The following ANK2 variants were observed in gnomAD, a reference collection of about 807,000 sequenced individuals.
ANK2 encodes ankyrin-2.
In ANK2, 83 loss-of-function variants were observed where a neutral mutation model predicts 360.5. The observed-to-expected ratio is 0.23, with a 90% CI of 0.19 to 0.28. ANK2 has a LOEUF of 0.28. Ranked by LOEUF, ANK2 falls within the 10% of genes least tolerant of loss-of-function variation. The pLI is 1.00. For missense variants in ANK2, 4,201 were observed against 4,795.7 expected, an observed-to-expected ratio of 0.88 and a Z score of 3.66; for synonymous variants, 1,740 against 1,759.5, an observed-to-expected ratio of 0.99 and a Z score of 0.28.
At chr4:113,090,616 T>C (rs931156210) in intron 1 of ANK2, among the ~76,000 whole-genome samples, 4 of 152,128 alleles carry the variant, frequency 2.6e-5, no homozygotes, top group African/African-American at 9.7e-5. Flanking sequence ...GATTAGAAAA[T>C]ACTTAGACCA....
the ANK2 span, among the ~76,000 whole-genome samples, chr4:112,767,070 A>G: frequency 6.6e-6 from 1 of 152,238 alleles, no homozygotes; most frequent in Non-Finnish European, 1.5e-5. Context: ...CTTATGATGT[A>G]AAGCATCATC....
At chr4:112,973,747 G>A (rs1332717203) in intron 2 of ANK2, among the ~76,000 whole-genome samples, 1 of 152,148 alleles carries the variant, frequency 6.6e-6, no homozygotes, top group Non-Finnish European at 1.5e-5. Flanking sequence ...CATACTTTGG[G>A]TGATGGGTTG....
intron 1 of ANK2, among the ~76,000 whole-genome samples, chr4:113,123,178 CTG>C (rs1342896958): frequency 1.3e-5 from 2 of 151,868 alleles, no homozygotes; most frequent in South Asian, 2.1e-4. Flanking sequence ...TTACATTAAT[CTG>C]TGTTTATATA....
At chr4:113,278,697 T>C in intron 17 of ANK2, 139 bp downstream of exon 17, 1 of 822,952 alleles carries the variant, frequency 1.2e-6, no homozygotes, top group South Asian at 1.5e-5. Flanking sequence ...TGACACCCTT[T>C]TTTTTCCCTT....
At chr4:113,024,262 T>A (rs566942329) in intron 2 of ANK2, among the ~76,000 whole-genome samples, 1 of 152,254 alleles carries the variant, frequency 6.6e-6, no homozygotes, top group East Asian at 1.9e-4. Flanking sequence ...GAATAAAATA[T>A]GTTAATATTT....
intron 1 of ANK2, among the ~76,000 whole-genome samples, chr4:113,092,488 A>G (rs2088871688): frequency 6.6e-6 from 1 of 152,328 alleles, no homozygotes; most frequent in African/African-American, 2.4e-5. Flanking sequence ...TTATATTTAC[A>G]TCAACAGATT....
chr4:113,197,139 G>A (rs983928453), intron 3 of ANK2, among the ~76,000 whole-genome samples: 4 of 152,172 alleles, frequency 2.6e-5, no homozygotes, highest in Non-Finnish European at 5.9e-5. Context: ...AATTTTAAAT[G>A]TATACATTCA....
chr4:112,979,004 G>A lies in ANK2; in HGVS notation c.21+74490G>A, dbSNP rs115349820. 8.9e-3 allele frequency among the ~76,000 whole-genome samples: 1,349 copies of A among 152,252 alleles called. 23 individuals carry two copies. Among genetic ancestry groups the A allele is most frequent in the African/African-American group, 0.031 (1,291 of 41,540 alleles). ...ATATTTTGCAATAGAAATAATAATAGCATAACAATGTCACAGGATCCTTTG... is the reference window on the plus strand; with the variant it reads ...ATATTTTGCAATAGAAATAATAATAACATAACAATGTCACAGGATCCTTTG... On this transcript the variant is annotated intron_variant, in intron 2 of 30. Transcript: ENST00000503271.
Position 113,356,160 on chromosome 4 carries a change from T to G in ANK2, c.7542T>G (p.Asp2514Glu). 6.2e-7 allele frequency: 1 copy of G among 1,613,516 alleles called. No individual in the cohort carries two copies. The highest frequency in any genetic ancestry group is 8.5e-7 in the Non-Finnish European group (1 of 1,179,830). Residue 2514 changes from aspartate to glutamate, a missense_variant, in exon 38 of 46, where the codon GAT (aspartate) becomes GAG (glutamate). Physicochemically the swap from Asp to Glu is conservative, Grantham distance 45. Around this residue, in one of 4 missense-constraint regions of ANK2, gnomAD observed 2,642 missense variants for 2,714.5 expected, o/e 0.97. Coordinates refer to ENST00000357077, the MANE Select transcript of ANK2 (RefSeq NM_001148.6). The part of the protein sequence containing the change: ...SVRSRLLRDP[D>E]GSAEDDSLEQ... ...GGTCCCGGCTACTCCGAGACCCTGATGGCAGTGCTGAGGATGACAGTCTTG... is the reference window on the plus strand; with the variant it reads ...GGTCCCGGCTACTCCGAGACCCTGAGGGCAGTGCTGAGGATGACAGTCTTG...
chr4:112,725,944 T>C, the ANK2 span, among the ~76,000 whole-genome samples: 1 of 152,068 alleles, frequency 6.6e-6, no homozygotes, highest in Non-Finnish European at 1.5e-5. Flanking sequence ...ATTTAAAATA[T>C]CAGGTAGTAA....
chr4:113,101,243 A>T (rs2092778951), intron 1 of ANK2, among the ~76,000 whole-genome samples: 1 of 152,200 alleles, frequency 6.6e-6, no homozygotes, highest in Non-Finnish European at 1.5e-5. Flanking sequence ...TTCCAAATGT[A>T]TATATGTAAA....
intron 15 of ANK2, 124 bp downstream of exon 15, chr4:113,274,773 C>T (rs555209185): frequency 1.4e-5 from 14 of 984,216 alleles, no homozygotes; most frequent in Non-Finnish European, 2.2e-5. Context: ...TCCTTCTCTA[C>T]ATATTTAAGA....
chr4:113,341,040 CCAGT>C (rs1464846746), intron 32 of ANK2, among the ~76,000 whole-genome samples: 1 of 152,134 alleles, frequency 6.6e-6, no homozygotes, highest in South Asian at 2.1e-4. Context: ...CAAAAAATTG[CCAGT>C]CAATGTCACA....
rs199591964 is a variant in ANK2 at position 113,356,143 on chromosome 4, C to T, written c.7525C>T (p.Leu2509=). ...GGAAGTGGCCTCTGTGCGGTCCCGG[C>T]TACTCCGAGACCCTGATGGCAGTGC... ...LTEVASVRSR[L]LRDPDGSAED... The change falls in exon 38 of 46, where the codon CTA becomes TTA. Residue 2509 remains leucine, a synonymous_variant. Coordinates refer to ENST00000357077, the MANE Select transcript of ANK2 (RefSeq NM_001148.6). 267 of 1,613,960 alleles carry T rather than the reference C, an allele frequency of 1.7e-4. 1 individual carries two copies. The highest frequency in any genetic ancestry group is 1.3e-3 in the Middle Eastern group (8 of 6,082).
At chr4:112,891,151 G>A in intron 1 of ANK2, among the ~76,000 whole-genome samples, 1 of 152,152 alleles carries the variant, frequency 6.6e-6, no homozygotes, top group African/African-American at 2.4e-5. Flanking sequence ...TTGAGACTCA[G>A]AGGTTTTGTG....
intron 1 of ANK2, among the ~76,000 whole-genome samples, chr4:112,900,924 G>A (rs929817420): frequency 8.5e-5 from 13 of 152,182 alleles, no homozygotes; most frequent in Non-Finnish European, 1.8e-4. Context: ...GAGCAATATG[G>A]TGTTGGACAA....
chr4:113,007,891 G>T (rs1355748991), intron 2 of ANK2, among the ~76,000 whole-genome samples: 1 of 152,084 alleles, frequency 6.6e-6, no homozygotes, highest in East Asian at 1.9e-4. Context: ...GCAGCAAAAA[G>T]ATGCAATATA....
intron 4 of ANK2, among the ~76,000 whole-genome samples, chr4:113,226,302 C>T (rs1180717488): frequency 2.0e-5 from 3 of 152,152 alleles, no homozygotes; most frequent in Admixed American, 6.6e-5. Flanking sequence ...CTCCTCAGCA[C>T]GGCAGACAGG....
rs772699874 is a variant in ANK2 at position 113,373,446 on chromosome 4, A to C, written c.11856A>C (p.Ser3952=). Reference sequence around the variant, plus strand: ...TATTGAAGAGTGACACCGAGCAGTCAGAGGTGAGACAACCTGATTCTCTAA... The same window carrying C: ...TATTGAAGAGTGACACCGAGCAGTCCGAGGTGAGACAACCTGATTCTCTAA... ...RVVLKSDTEQ[S]EDNNE The change falls in exon 45 of 46, where the codon TCA becomes TCC. Residue 3952 remains serine (S), a synonymous_variant. Coordinates refer to ENST00000357077, the MANE Select transcript of ANK2 (RefSeq NM_001148.6). The C allele has an allele frequency of 1.2e-6, 2 of 1,614,190 alleles. No individual in the cohort carries two copies. Among genetic ancestry groups the C allele is most frequent in the East Asian group, 4.5e-5 (2 of 44,876 alleles).
Sources: allele counts gnomAD v4.1 joint callset (sites outside exome capture counted in the v4.1 genomes callset), GRCh38; gene constraint gnomAD v4.1.1; regional missense constraint gnomAD v4.1.1; transcripts MANE v1.5; gene names NCBI Gene and HGNC (gene_info 2026-07-23, HGNC 2026-07-21).